Variants in CACNA2D3 observed in about 807,000 individuals in gnomAD.
The protein encoded by CACNA2D3 is calcium voltage-gated channel auxiliary subunit alpha2delta 3, also known as voltage-dependent calcium channel subunit alpha-2/delta-3.
In CACNA2D3, 60 loss-of-function variants were observed where a neutral mutation model predicts 160.6. The observed-to-expected ratio is 0.37, with a 90% confidence interval of 0.30 to 0.46. The LOEUF (loss-of-function observed/expected upper bound fraction) is 0.46. Among genes scored for constraint, CACNA2D3 ranks in the 20% least tolerant of loss-of-function variants. CACNA2D3 has a pLI of 1.00. For missense variants in CACNA2D3, 1,205 were observed against 1,365.0 expected, an observed-to-expected ratio of 0.88 and a Z score of 1.85; for synonymous variants, 558 against 492.9, an observed-to-expected ratio of 1.13 and a Z score of -1.75.
intron 14 of CACNA2D3, among the ~76,000 whole-genome samples, chr3:54,817,474 T>C (rs1703482386): frequency 6.6e-6 from 1 of 152,200 alleles, no homozygotes; most frequent in African/African-American, 2.4e-5. Flanking sequence ...GTTGCAGTGA[T>C]GGCTTTGCTG....
chr3:55,011,316 C>A (rs1269244065), intron 34 of CACNA2D3, among the ~76,000 whole-genome samples: 1 of 152,206 alleles, frequency 6.6e-6, no homozygotes, highest in Non-Finnish European at 1.5e-5. Flanking sequence ...CCCAATTTTG[C>A]TCCTCCCTGC....
At chr3:54,168,263 T>C (rs540444939) in intron 2 of CACNA2D3, among the ~76,000 whole-genome samples, 12 of 152,340 alleles carry the variant, frequency 7.9e-5, no homozygotes, top group African/African-American at 2.4e-4. Flanking sequence ...GAAATGCTTA[T>C]GGAATGAATG....
intron 3 of CACNA2D3, among the ~76,000 whole-genome samples, chr3:54,348,985 C>T (rs988396158): frequency 2.0e-5 from 3 of 152,188 alleles, no homozygotes; most frequent in Non-Finnish European, 4.4e-5. Context: ...GCCTCAGCCT[C>T]CCAAAGTGCT....
intron 2 of CACNA2D3, among the ~76,000 whole-genome samples, chr3:54,195,399 T>C (rs1029040156): frequency 3.3e-5 from 5 of 152,244 alleles, no homozygotes; most frequent in African/African-American, 1.2e-4. Flanking sequence ...TACTCTGCAT[T>C]AAGCTTTAGC....
intron 2 of CACNA2D3, among the ~76,000 whole-genome samples, chr3:54,273,992 A>T (rs1702678699): frequency 6.6e-6 from 1 of 150,378 alleles, no homozygotes; most frequent in Admixed American, 6.6e-5. Flanking sequence ...GTCCTGTGAG[A>T]TGTTTGAGTG....
intron 2 of CACNA2D3, among the ~76,000 whole-genome samples, chr3:54,235,932 C>G (rs777569806): frequency 6.6e-6 from 1 of 152,124 alleles, no homozygotes; most frequent in Non-Finnish European, 1.5e-5. Flanking sequence ...AGAAACGTGA[C>G]AGCCACCACC....
At chr3:54,972,797 G>A (rs1702304298) in intron 29 of CACNA2D3, among the ~76,000 whole-genome samples, 1 of 152,196 alleles carries the variant, frequency 6.6e-6, no homozygotes, top group Non-Finnish European at 1.5e-5. Flanking sequence ...TGGCCATGGG[G>A]CTGACTTTTA....
At chr3:54,598,971 A>C (rs1206085790) in intron 9 of CACNA2D3, among the ~76,000 whole-genome samples, 1 of 152,148 alleles carries the variant, frequency 6.6e-6, no homozygotes, top group Non-Finnish European at 1.5e-5. Flanking sequence ...CTGGTTTTAC[A>C]CTAAAATTGA....
chr3:54,608,141 C>A (rs559942945), intron 9 of CACNA2D3, among the ~76,000 whole-genome samples: 1 of 152,018 alleles, frequency 6.6e-6, no homozygotes, highest in East Asian at 1.9e-4. Context: ...GTACACACAA[C>A]AAAAAAATGA....
At chr3:54,661,441 C>G (rs1373780619) in intron 11 of CACNA2D3, among the ~76,000 whole-genome samples, 1 of 152,150 alleles carries the variant, frequency 6.6e-6, no homozygotes, top group Non-Finnish European at 1.5e-5. Flanking sequence ...CTGTGTGAGC[C>G]AAGGACATAC....
At chr3:54,690,847 A>G (rs1049418595) in intron 11 of CACNA2D3, among the ~76,000 whole-genome samples, 32 of 152,300 alleles carry the variant, frequency 2.1e-4, no homozygotes, top group African/African-American at 7.5e-4. Context: ...CACTCATGCT[A>G]GAAGGATTTA....
At chr3:54,331,798 C>G (rs778459604) in intron 3 of CACNA2D3, among the ~76,000 whole-genome samples, 1 of 152,140 alleles carries the variant, frequency 6.6e-6, no homozygotes, top group Non-Finnish European at 1.5e-5. Flanking sequence ...TTGTTCAGCC[C>G]TCACCTATTA....
At chr3:54,300,352 G>A (rs77428429) in intron 2 of CACNA2D3, among the ~76,000 whole-genome samples, 6,234 of 152,308 alleles carry the variant, frequency 0.041, 222 homozygotes, top group Non-Finnish European at 0.056. Flanking sequence ...TCTCTGCCAC[G>A]TGGCATATTC....
At chr3:54,158,587 C>T (rs139181288) in intron 2 of CACNA2D3, among the ~76,000 whole-genome samples, 2 of 152,302 alleles carry the variant, frequency 1.3e-5, no homozygotes, top group African/African-American at 4.8e-5. Context: ...ACTAGATGGA[C>T]ACCCTTAGTT....
intron 23 of CACNA2D3, among the ~76,000 whole-genome samples, 184 bp downstream of exon 23, chr3:54,885,770 T>C (rs944711590): frequency 6.6e-6 from 1 of 152,170 alleles, no homozygotes; most frequent in Non-Finnish European, 1.5e-5. Context: ...TATGGAAAAT[T>C]GTACAGAATC....
At chr3:54,916,386 T>A (rs1004690105) in intron 27 of CACNA2D3, among the ~76,000 whole-genome samples, 2 of 152,186 alleles carry the variant, frequency 1.3e-5, no homozygotes, top group Non-Finnish European at 2.9e-5. Context: ...TTGAGCCATG[T>A]CCACTGAGTG....
Position 54,325,626 on chromosome 3 carries a change from G to A in CACNA2D3, c.321+5068G>A, listed in dbSNP as rs1055412875. 5.3e-5 allele frequency among the ~76,000 whole-genome samples: 8 copies of A among 152,160 alleles called. No individual in the cohort carries two copies. The South Asian group carries it at 6.2e-4, about 12-fold the overall frequency. ...CACAAACTTTAACAGGTTTCAGAGC[G>A]GGAAGGAGCACTGGGGGGATTATAG... On this transcript the variant is annotated intron_variant, in intron 3 of 37. Coordinates refer to ENST00000474759, the MANE Select transcript of CACNA2D3 (RefSeq NM_018398.3).
intron 2 of CACNA2D3, among the ~76,000 whole-genome samples, chr3:54,183,714 G>A (rs141925065): frequency 0.025 from 3,710 of 151,280 alleles, 58 homozygotes; most frequent in Non-Finnish European, 0.037. Flanking sequence ...GTGAAACCCC[G>A]TCTCTACTAA....
intron 13 of CACNA2D3, among the ~76,000 whole-genome samples, chr3:54,793,130 G>A (rs1022122913): frequency 6.6e-6 from 1 of 152,212 alleles, no homozygotes; most frequent in Non-Finnish European, 1.5e-5. Context: ...GGGAGTGAGG[G>A]AGAGTAGAGG....
Sources: allele counts gnomAD v4.1 joint callset (sites outside exome capture counted in the v4.1 genomes callset), GRCh38; gene constraint gnomAD v4.1.1; transcripts MANE v1.5; gene names NCBI Gene and HGNC (gene_info 2026-07-23, HGNC 2026-07-21).